The following IQCE variants were observed in gnomAD, a reference collection of about 807,000 sequenced individuals.
IQCE encodes the protein IQ domain-containing protein E.
IQCE carries 115 observed loss-of-function variants against 96.0 expected under a neutral mutation model. That is an observed-to-expected ratio of 1.20 (90% CI 1.03 to 1.40). The LOEUF (loss-of-function observed/expected upper bound fraction) is 1.40, where lower values mean the gene tolerates loss of function less well. IQCE is among the 40% of genes most tolerant of loss of function. IQCE has a pLI of 0.00. For synonymous variants in IQCE, 412 were observed against 371.2 expected (o/e 1.11, Z -1.26); for missense variants, 1,041 against 909.1 (o/e 1.15, Z -1.87).
chr7:2,608,710 G>A (rs1216262436), intron 21 of IQCE, among the ~76,000 whole-genome samples: 2 of 152,242 alleles, frequency 1.3e-5, no homozygotes, highest in African/African-American at 2.4e-5. Flanking sequence ...TAAAGCGTGC[G>A]TTGATGCTGC....
Position 2,589,980 on chromosome 7 carries a change from C to T in IQCE, c.1118C>T (p.Ala373Val). 1 of 1,613,998 alleles carries T rather than the reference C, an allele frequency of 6.2e-7. No individual in the cohort carries two copies. Among genetic ancestry groups the T allele is most frequent in the Non-Finnish European group, 8.5e-7 (1 of 1,180,026 alleles). ...AGATCACACCCGCCAGCCTGCCTTG[C>T]ATCCAGCTCTGCGCTGCACAGACAG... Reference protein sequence around the residue: ...PVRSHPPACLASSSALHRQPR... With the variant: ...PVRSHPPACLVSSSALHRQPR... The change falls in exon 14 of 22, where the codon GCA becomes GTA. Residue 373 changes from alanine (A) to valine (V), a missense_variant. Transcript: ENST00000402050.
intron 6 of IQCE, among the ~76,000 whole-genome samples, chr7:2,575,068 A>G (rs371579362): frequency 3.3e-5 from 5 of 152,132 alleles, no homozygotes; most frequent in African/African-American, 1.2e-4. Flanking sequence ...AGGCCATCTC[A>G]GTGTTGACAT....
In IQCE at chr7:2,601,467, A is replaced by G. The variant is rs753642266; in HGVS notation, c.1632+3A>G. ...AAAAAAAGGCTGTTCTGGATGAGGT[A>G]AGCGAGGTTTATTTCTTGTTTCAAA... On this transcript the variant is annotated splice_donor_region_variant and intron_variant, in intron 18 of 21. Transcript: ENST00000402050. 74 of 1,583,020 alleles carry G rather than the reference A, an allele frequency of 4.7e-5. No homozygotes were observed. Among genetic ancestry groups the G allele is most frequent in the Non-Finnish European group, 5.7e-5 (66 of 1,153,866 alleles).
rs761896390 is a variant in IQCE at position 2,569,032 on chromosome 7, G to A, written c.130+33G>A. The A allele has an allele frequency of 1.9e-5, 31 of 1,603,126 alleles. No homozygotes were observed. In the East Asian group the frequency reaches 2.0e-4, roughly 10 times the overall value. ...TGACGAGGCCTGCCTTCCCTCTCAC[G>A]CCGACGTTCCCTGGTGTCCTGGAGA... On this transcript the variant is annotated intron_variant, in intron 3 of 21. Transcript: ENST00000402050.
intron 2 of IQCE, 148 bp from the exon 3 acceptor site, chr7:2,568,806 C>G (rs1204849643): frequency 2.9e-6 from 2 of 681,698 alleles, no homozygotes; most frequent in Non-Finnish European, 5.0e-6. Flanking sequence ...CCTGCGTGTC[C>G]TGTTCCTGGA....
intron 1 of IQCE, among the ~76,000 whole-genome samples, chr7:2,562,859 T>C (rs1393430466): frequency 2.0e-5 from 3 of 152,012 alleles, no homozygotes; most frequent in Non-Finnish European, 2.9e-5. Context: ...TTCTTTCTTT[T>C]TTTTTTTTAA....
chr7:2,582,023 T>C (rs767865492), intron 8 of IQCE: 10 of 466,738 alleles, frequency 2.1e-5, no homozygotes, highest in Admixed American at 1.9e-4. Context: ...AAGAATGTTC[T>C]TTAAAGAATA....
At chr7:2,597,735 A>G (rs1176631618) in intron 16 of IQCE, among the ~76,000 whole-genome samples, 3 of 152,152 alleles carry the variant, frequency 2.0e-5, no homozygotes, top group Non-Finnish European at 4.4e-5. Context: ...CGGCACAATC[A>G]TGGCTCACTG....
At chr7:2,594,246 C>T (rs1583481067) in intron 15 of IQCE, among the ~76,000 whole-genome samples, 5 of 152,142 alleles carry the variant, frequency 3.3e-5, no homozygotes, top group African/African-American at 1.2e-4. Flanking sequence ...GGTGACAGAG[C>T]GAGACTCTGT....
rs1323755322 is a variant in IQCE at position 2,591,982 on chromosome 7, TCGGCC to T, written c.1245-1039_1245-1035del. Among the ~76,000 whole-genome samples the T allele has an allele frequency of 6.3e-4, 63 of 100,450 alleles. 1 individual carries two copies. Among genetic ancestry groups the T allele is most frequent in the African/African-American group, 2.5e-3 (62 of 25,216 alleles). The allele number at this position is 100,450 out of a possible 152,430, so 65.9% of individuals were successfully genotyped here. ...GTGAGCCACCGCACCCGGGCCTGCC[TCGGCC>T]TCCCAAAGTGCTGGGATTACAGGCG... On this transcript the variant is annotated intron_variant, in intron 14 of 21. Transcript: ENST00000402050.
rs567312011 is a variant in IQCE at position 2,611,134 on chromosome 7, T to C, written c.*972T>C. The C allele has an allele frequency of 0.2, 25,536 of 130,660 alleles. 2,715 individuals are homozygous for C. The highest frequency in any genetic ancestry group is 0.45 in the East Asian group (2,233 of 4,984). The allele number at this position is 130,660 out of a possible 1,614,324, so 8.1% of individuals were successfully genotyped here. A position where few individuals can be genotyped will look rare whatever the true frequency, so the allele number is the denominator to read the frequency against. ...ATGGCTGGGCTGGGCTGGGCTGGGC[T>C]GGGCTGGGCCGGGCGTGCGGAGCCT... On this transcript the variant is annotated 3_prime_UTR_variant, in exon 22 of 22. Transcript: ENST00000402050.
Position 2,572,336 on chromosome 7 carries a change from C to A in IQCE, c.394+10C>A. 6.2e-7 allele frequency: 1 copy of A among 1,612,506 alleles called. No homozygotes were observed. The highest frequency in any genetic ancestry group is 8.5e-7 in the Non-Finnish European group (1 of 1,179,224). On this transcript the variant is annotated intron_variant, in intron 5 of 21. Coordinates refer to ENST00000402050, the MANE Select transcript of IQCE (RefSeq NM_152558.5). ...CGCTCTGCCAGCAACGGTGAGCATG[C>A]CGATGGTGGCGAGGCTGAGGCCAAG...
chr7:2,609,905 G>A (rs891831812), intron 21 of IQCE, 139 bp from the exon 22 acceptor site: 3 of 625,890 alleles, frequency 4.8e-6, no homozygotes, highest in Non-Finnish European at 5.7e-6. Context: ...CTGAGGGCCT[G>A]TGTGCCCCAT....
At chr7:2,577,966 CGCGCGGGGACGTGTGTGCGGCGTGT>C (rs1484110778) in intron 6 of IQCE, among the ~76,000 whole-genome samples, 105 of 124,992 alleles carry the variant, frequency 8.4e-4, no homozygotes, top group African/African-American at 2.7e-3. Flanking sequence ...CGTGGCTGTG[CGCGCGGGGACGTGTGTGCGGCGTGT>C]GCGCATTGGC....
chr7:2,612,463 C>G lies in IQCE; in HGVS notation c.*2301C>G, dbSNP rs1384145742. ...GGCCTCCTTGCCCACGGCCCCAGGG[C>G]CTGGGGGCCAGGGGTTCTGGCCCTG... On this transcript the variant is annotated 3_prime_UTR_variant, in exon 22 of 22. Coordinates refer to ENST00000402050, the MANE Select transcript of IQCE (RefSeq NM_152558.5). The G allele has an allele frequency of 2.6e-5, 4 of 152,242 alleles. No homozygotes were observed. The highest frequency in any genetic ancestry group is 9.7e-5 in the African/African-American group (4 of 41,412). The allele number at this position is 152,242 out of a possible 1,614,324, so 9.4% of individuals were successfully genotyped here. A position where few individuals can be genotyped will look rare whatever the true frequency, so the allele number is the denominator to read the frequency against.
rs1188793830 is a variant in IQCE, at chr7:2,593,100, G to A, written c.1323G>A (p.Glu441=). ...ELECAREGEE[E]RREREEVLRE... ...AGTGCGCGAGGGAGGGCGAGGAGGA[G>A]AGGAGAGAGCGAGAGGAGGTTTTGA... is the stretch of plus-strand genomic sequence containing the variant. Residue 441 remains glutamate, a synonymous_variant, in exon 15 of 22, where the codon GAG becomes GAA. Transcript: ENST00000402050. The A allele has an allele frequency of 6.2e-7, 1 of 1,612,742 alleles. No homozygotes were observed. The highest frequency in any genetic ancestry group is 1.7e-5 in the Admixed American group (1 of 60,004).
chr7:2,595,663 G>A (rs371652340), intron 16 of IQCE, among the ~76,000 whole-genome samples: 8 of 151,904 alleles, frequency 5.3e-5, no homozygotes, highest in African/African-American at 1.7e-4. Flanking sequence ...CACCATGGCC[G>A]GTGCTGCACT....
intron 17 of IQCE, 117 bp from the exon 18 acceptor site, chr7:2,601,324 G>A (rs189904417): frequency 4.2e-6 from 3 of 722,050 alleles, no homozygotes; most frequent in East Asian, 5.3e-5. Flanking sequence ...GAGGAGCCAG[G>A]GCAGCCAGGC....
chr7:2,587,899 A>G lies in IQCE; in HGVS notation c.1044+22A>G, dbSNP rs1413362360. ...GAAGGTGAGCGGGCGTCTCAGTGCC[A>G]CTGTCGTTGGGGACCAGGGGCCTCA... On this transcript the variant is annotated intron_variant, in intron 13 of 21. Coordinates refer to ENST00000402050, the MANE Select transcript of IQCE (RefSeq NM_152558.5). 4.3e-6 allele frequency: 7 copies of G among 1,611,056 alleles called. No homozygotes were observed. In the African/African-American group the frequency reaches 5.3e-5, roughly 12 times the overall value.
Sources: allele counts gnomAD v4.1 joint callset (sites outside exome capture counted in the v4.1 genomes callset), GRCh38; gene constraint gnomAD v4.1.1; transcripts MANE v1.5; gene names NCBI Gene and HGNC (gene_info 2026-07-23, HGNC 2026-07-21).